COL21A1: variants seen among roughly 807,000 people sequenced by gnomAD.
COL21A1 encodes the protein collagen type XXI alpha 1 chain.
In COL21A1, 149 loss-of-function variants were observed where a neutral mutation model predicts 137.9. That is an observed-to-expected ratio of 1.08 (90% CI 0.95 to 1.24). COL21A1 has a LOEUF of 1.24. Among genes scored for constraint, COL21A1 ranks in the 50% most tolerant of loss-of-function variants. The probability of loss-of-function intolerance (pLI) is 0.00; values close to 1 mark genes in which losing one functional copy is unlikely to be tolerated. For missense variants in COL21A1, 1,167 were observed against 1,158.4 expected (o/e 1.01, Z -0.11); for synonymous variants, 456 against 391.5 (o/e 1.16, Z -1.95).
chr6:56,191,670 C>T (rs868019200), intron 1 of COL21A1, among the ~76,000 whole-genome samples: 1 of 115,844 alleles, frequency 8.6e-6, no homozygotes, highest in South Asian at 3.5e-4. Context: ...AATAAAATAC[C>T]TAGGAATACA....
chr6:56,220,021 T>C (rs908572512), intron 1 of COL21A1, among the ~76,000 whole-genome samples: 1 of 152,160 alleles, frequency 6.6e-6, no homozygotes, highest in African/African-American at 2.4e-5. Context: ...GCTCAAGGTG[T>C]TTATTTTTTC....
chr6:56,332,356 T>A (rs1199720985), intron 1 of COL21A1, among the ~76,000 whole-genome samples: 1 of 152,046 alleles, frequency 6.6e-6, no homozygotes, highest in African/African-American at 2.4e-5. Flanking sequence ...GAATGCAAAT[T>A]CTTAGCTGGT....
intron 1 of COL21A1, among the ~76,000 whole-genome samples, chr6:56,193,495 T>C (rs977286742): frequency 6.6e-6 from 1 of 152,124 alleles, no homozygotes; most frequent in African/African-American, 2.4e-5. Context: ...GCAAAACTAA[T>C]CTATGGTGTT....
chr6:56,115,841 GAAAC>G (rs1771871383), intron 16 of COL21A1, among the ~76,000 whole-genome samples: 2 of 151,990 alleles, frequency 1.3e-5, no homozygotes, highest in Non-Finnish European at 2.9e-5. Flanking sequence ...TAATTACAAA[GAAAC>G]AAAGCAGAAA....
chr6:56,357,921 G>A (rs118164862), intron 1 of COL21A1, among the ~76,000 whole-genome samples: 2 of 152,284 alleles, frequency 1.3e-5, no homozygotes, highest in Middle Eastern at 3.4e-3. Context: ...CTGAGTCAGA[G>A]TGATTCAGTG....
chr6:56,089,266 A>G (rs952137772), intron 17 of COL21A1, among the ~76,000 whole-genome samples: 1 of 152,216 alleles, frequency 6.6e-6, no homozygotes, highest in African/African-American at 2.4e-5. Flanking sequence ...AGTTAATTTT[A>G]GGCAGTTATG....
At chr6:56,375,346 C>T (rs567762749) in intron 1 of COL21A1, among the ~76,000 whole-genome samples, 2 of 152,300 alleles carry the variant, frequency 1.3e-5, no homozygotes, top group South Asian at 4.1e-4. Context: ...ACTGAATCAG[C>T]TCCTTGTCCA....
Position 56,351,800 on chromosome 6 carries a change from A to G in COL21A1, c.-39+42171T>C, listed in dbSNP as rs73450928. 8.7e-3 allele frequency among the ~76,000 whole-genome samples: 1,319 copies of G among 152,350 alleles called. 20 individuals carry two copies. Among genetic ancestry groups the G allele is most frequent in the African/African-American group, 0.03 (1,257 of 41,572 alleles). On this transcript the variant is annotated intron_variant, in intron 1 of 28. Transcript: ENST00000370819. ...GGGCTGATTGCTTGATAAAACAAAA[A>G]TAAAACAGACAAACAAAAATCAACA...
At chr6:56,161,557 T>A (rs1776205563) in intron 9 of COL21A1, among the ~76,000 whole-genome samples, 1 of 152,206 alleles carries the variant, frequency 6.6e-6, no homozygotes, top group Non-Finnish European at 1.5e-5. Flanking sequence ...TGTGCCAGAC[T>A]GGAGTGCCAA....
intron 12 of COL21A1, among the ~76,000 whole-genome samples, chr6:56,134,231 C>T (rs761743969): frequency 6.6e-5 from 10 of 152,224 alleles, no homozygotes; most frequent in Non-Finnish European, 1.3e-4. Context: ...CTTGCATCAG[C>T]ATGACCTGGA....
chr6:56,135,134 A>G (rs373637909), intron 12 of COL21A1, among the ~76,000 whole-genome samples: 1 of 152,148 alleles, frequency 6.6e-6, no homozygotes, highest in Non-Finnish European at 1.5e-5. Context: ...AAAAGAAGAA[A>G]AAACTATTTT....
At chr6:56,350,964 G>A (rs1252750893) in intron 1 of COL21A1, among the ~76,000 whole-genome samples, 1 of 152,242 alleles carries the variant, frequency 6.6e-6, no homozygotes, top group Admixed American at 6.5e-5. Context: ...AACATAATTT[G>A]CTGTAGTCAA....
intron 1 of COL21A1, among the ~76,000 whole-genome samples, chr6:56,305,319 T>C (rs374132533): frequency 6.6e-6 from 1 of 152,168 alleles, no homozygotes; most frequent in South Asian, 2.1e-4. Context: ...ATCTGTCTAA[T>C]GTTGACAGTG....
At chr6:56,209,019 T>A (rs959517722) in intron 1 of COL21A1, among the ~76,000 whole-genome samples, 1 of 152,072 alleles carries the variant, frequency 6.6e-6, no homozygotes, top group African/African-American at 2.4e-5. Flanking sequence ...TATAAAAAAA[T>A]TAACCCAAGA....
At chr6:56,327,621 T>C (rs932097093) in intron 1 of COL21A1, among the ~76,000 whole-genome samples, 2 of 151,986 alleles carry the variant, frequency 1.3e-5, no homozygotes, top group African/African-American at 4.8e-5. Context: ...AAGACAGTAG[T>C]CTGGAGCCAA....
At chr6:56,136,676 A>T (rs1455889443) in intron 12 of COL21A1, among the ~76,000 whole-genome samples, 7 of 152,176 alleles carry the variant, frequency 4.6e-5, no homozygotes, top group African/African-American at 1.4e-4. Flanking sequence ...TTTAAAATTC[A>T]TTTTAAAAAA....
At chr6:56,203,943 C>T (rs575017269) in intron 1 of COL21A1, among the ~76,000 whole-genome samples, 1 of 152,170 alleles carries the variant, frequency 6.6e-6, no homozygotes, top group Non-Finnish European at 1.5e-5. Flanking sequence ...GGCCCAGATA[C>T]TGCACTTTTC....
chr6:56,090,960 G>A (rs1321269438), intron 17 of COL21A1, among the ~76,000 whole-genome samples: 1 of 152,104 alleles, frequency 6.6e-6, no homozygotes, highest in Non-Finnish European at 1.5e-5. Flanking sequence ...ACAAAAGACT[G>A]AAACATCTTA....
At chr6:56,088,619 T>C (rs1768490730) in intron 17 of COL21A1, among the ~76,000 whole-genome samples, 1 of 152,164 alleles carries the variant, frequency 6.6e-6, no homozygotes, top group East Asian at 1.9e-4. Context: ...GACCTCAATC[T>C]ATGGTACATA....
Sources: allele counts gnomAD v4.1 joint callset (sites outside exome capture counted in the v4.1 genomes callset), GRCh38; gene constraint gnomAD v4.1.1; transcripts MANE v1.5; gene names NCBI Gene and HGNC (gene_info 2026-07-23, HGNC 2026-07-21).